The following CNTN5 variants were observed in gnomAD, a reference collection of about 807,000 sequenced individuals.
CNTN5 encodes the protein contactin 5.
CNTN5 carries 77 observed loss-of-function variants against 129.1 expected under a neutral mutation model. The ratio of observed to expected loss-of-function variants is 0.60; its 90% CI spans 0.50 to 0.72. CNTN5 has a LOEUF of 0.72. Among genes scored for constraint, CNTN5 ranks in the 30% least tolerant of loss-of-function variants. The pLI, the probability that CNTN5 is intolerant of heterozygous loss-of-function variation, is 0.00. For synonymous variants in CNTN5, 509 were observed against 465.6 expected, an observed-to-expected ratio of 1.09 and a Z score of -1.20; for missense variants, 1,478 against 1,328.8, an observed-to-expected ratio of 1.11 and a Z score of -1.75.
At chr11:100,168,323 C>G (rs762234124) in intron 13 of CNTN5, among the ~76,000 whole-genome samples, 2 of 151,908 alleles carry the variant, frequency 1.3e-5, no homozygotes, top group Non-Finnish European at 2.9e-5. Flanking sequence ...CTACGACTTC[C>G]AAAGCTAGAG....
At chr11:99,294,053 A>C (rs1304302895) in intron 1 of CNTN5, among the ~76,000 whole-genome samples, 1 of 152,016 alleles carries the variant, frequency 6.6e-6, no homozygotes, top group Non-Finnish European at 1.5e-5. Flanking sequence ...TTACTGCTAT[A>C]AACTTTCTTC....
At chr11:100,352,731 A>G (rs1280662472) in intron 24 of CNTN5, among the ~76,000 whole-genome samples, 1 of 151,838 alleles carries the variant, frequency 6.6e-6, no homozygotes, top group South Asian at 2.1e-4. Context: ...TGGTTCATTT[A>G]TAAAAGTATA....
intron 9 of CNTN5, among the ~76,000 whole-genome samples, chr11:100,017,166 A>C (rs1940870555): frequency 6.6e-6 from 1 of 151,908 alleles, no homozygotes; most frequent in Admixed American, 6.6e-5. Flanking sequence ...TTATGAAATC[A>C]GGTCACTTGT....
intron 1 of CNTN5, among the ~76,000 whole-genome samples, chr11:99,157,078 G>T (rs1182185142): frequency 1.3e-5 from 2 of 151,930 alleles, no homozygotes; most frequent in Non-Finnish European, 2.9e-5. Context: ...TATTTATAAA[G>T]TGGTAAGTTT....
chr11:99,703,296 T>C (rs1954607100), intron 3 of CNTN5, among the ~76,000 whole-genome samples: 1 of 145,714 alleles, frequency 6.9e-6, no homozygotes, highest in Non-Finnish European at 1.5e-5. Flanking sequence ...AAACAAGCCA[T>C]ACTGATGCAG....
At chr11:99,212,261 C>G (rs1206036587) in intron 1 of CNTN5, among the ~76,000 whole-genome samples, 1 of 152,098 alleles carries the variant, frequency 6.6e-6, no homozygotes, top group African/African-American at 2.4e-5. Context: ...ATGATTTCAC[C>G]GGGATGCTTC....
At chr11:100,088,706 A>G (rs1036917171) in intron 13 of CNTN5, among the ~76,000 whole-genome samples, 2 of 152,260 alleles carry the variant, frequency 1.3e-5, no homozygotes, top group Non-Finnish European at 2.9e-5. Context: ...AAAAGCCTGA[A>G]CAGACCAGTA....
At chr11:99,114,645 T>A (rs1472489436) in intron 1 of CNTN5, among the ~76,000 whole-genome samples, 1 of 152,164 alleles carries the variant, frequency 6.6e-6, no homozygotes, top group African/African-American at 2.4e-5. Flanking sequence ...TCTTCTTTTT[T>A]AAAAAGTAAA....
In CNTN5 at chr11:99,939,047, G is replaced by T. The variant is rs189139960; in HGVS notation, c.674-17759G>T. ...CACAGTAGACTGACTACCTTTTATT[G>T]AGCTGATTTATCAACCCTCCGGTGT... is the stretch of plus-strand genomic sequence containing the variant. On this transcript the variant is annotated intron_variant, in intron 7 of 24. Coordinates refer to ENST00000524871, the MANE Select transcript of CNTN5 (RefSeq NM_014361.4). Among the ~76,000 whole-genome samples the T allele has an allele frequency of 5.6e-3, 851 of 152,010 alleles. 7 individuals are homozygous for T. The highest frequency in any genetic ancestry group is 0.019 in the African/African-American group (798 of 41,490).
At chr11:99,786,787 A>C (rs1945542101) in intron 3 of CNTN5, among the ~76,000 whole-genome samples, 1 of 152,176 alleles carries the variant, frequency 6.6e-6, no homozygotes, top group Non-Finnish European at 1.5e-5. Context: ...GATGTTGGGA[A>C]AGTGGCTAGC....
At chr11:99,996,360 C>T (rs1352750589) in intron 8 of CNTN5, among the ~76,000 whole-genome samples, 1 of 152,144 alleles carries the variant, frequency 6.6e-6, no homozygotes, top group East Asian at 1.9e-4. Flanking sequence ...ACCACTGTAG[C>T]TCCAAAACAG....
intron 1 of CNTN5, among the ~76,000 whole-genome samples, chr11:99,202,585 A>G (rs1267225377): frequency 6.6e-6 from 1 of 152,152 alleles, no homozygotes; most frequent in African/African-American, 2.4e-5. Flanking sequence ...ATAACAAATT[A>G]GTGTCATTAA....
intron 8 of CNTN5, among the ~76,000 whole-genome samples, chr11:99,964,714 G>A (rs9733955): frequency 0.074 from 11,272 of 152,156 alleles, 759 homozygotes; most frequent in African/African-American, 0.17. Context: ...CTATTGATTG[G>A]AATAGTTTCA....
At chr11:99,284,599 T>C (rs1366533313) in intron 1 of CNTN5, among the ~76,000 whole-genome samples, 1 of 115,948 alleles carries the variant, frequency 8.6e-6, no homozygotes, top group Non-Finnish European at 1.8e-5. Context: ...CAGAGATGAG[T>C]GGTGTGTGTG....
At chr11:99,885,765 T>G (rs1948886256) in intron 6 of CNTN5, among the ~76,000 whole-genome samples, 1 of 151,974 alleles carries the variant, frequency 6.6e-6, no homozygotes, top group Non-Finnish European at 1.5e-5. Flanking sequence ...ATATTAAGAA[T>G]GAGAAAAACG....
intron 1 of CNTN5, among the ~76,000 whole-genome samples, chr11:99,023,663 C>G (rs961255840): frequency 5.9e-5 from 9 of 152,336 alleles, no homozygotes; most frequent in African/African-American, 2.2e-4. Flanking sequence ...CAGTCAAAAA[C>G]TAATCCAGAA....
intron 1 of CNTN5, among the ~76,000 whole-genome samples, chr11:99,305,070 G>T (rs1864815496): frequency 1.3e-5 from 2 of 152,114 alleles, no homozygotes; most frequent in Admixed American, 6.6e-5. Context: ...ATGTCAAAGT[G>T]GTTGATTTAG....
intron 6 of CNTN5, among the ~76,000 whole-genome samples, chr11:99,912,646 T>C (rs1036563242): frequency 9.7e-4 from 16 of 16,512 alleles, no homozygotes; most frequent in African/African-American, 4.0e-3. Flanking sequence ...TTTTTCATAG[T>C]TTTTTTTTTT....
chr11:99,898,886 C>T (rs902606709), intron 6 of CNTN5, among the ~76,000 whole-genome samples: 8 of 151,898 alleles, frequency 5.3e-5, no homozygotes, highest in African/African-American at 1.9e-4. Flanking sequence ...TACTGAATTA[C>T]TTAGAATTTC....
Sources: allele counts gnomAD v4.1 joint callset (sites outside exome capture counted in the v4.1 genomes callset), GRCh38; gene constraint gnomAD v4.1.1; transcripts MANE v1.5; gene names NCBI Gene and HGNC (gene_info 2026-07-23, HGNC 2026-07-21).